Variants in ERBB4 observed in about 807,000 individuals in gnomAD.
The protein encoded by ERBB4 is erb-b2 receptor tyrosine kinase 4.
A neutral mutation model predicts 158.0 loss-of-function variants in ERBB4; 42 were observed. That is an observed-to-expected ratio of 0.27 (90% CI 0.21 to 0.34). The LOEUF is 0.34. Among genes scored for constraint, ERBB4 ranks in the 10% least tolerant of loss-of-function variants. The probability of loss-of-function intolerance (pLI) is 1.00; values close to 1 mark genes in which losing one functional copy is unlikely to be tolerated. For synonymous variants in ERBB4, 583 were observed against 558.7 expected, an observed-to-expected ratio of 1.04 and a Z score of -0.61; for missense variants, 1,333 against 1,624.1, an observed-to-expected ratio of 0.82 and a Z score of 3.08.
intron 12 of ERBB4, among the ~76,000 whole-genome samples, chr2:211,701,756 C>CAA (rs71409856): frequency 0.01 from 676 of 66,590 alleles, 72 homozygotes; most frequent in African/African-American, 0.018. Context: ...GACTCCGTCT[C>CAA]AAAAAAAAAA....
intron 2 of ERBB4, among the ~76,000 whole-genome samples, chr2:212,087,506 G>C (rs142227604): frequency 6.6e-6 from 1 of 152,124 alleles, no homozygotes; most frequent in South Asian, 2.1e-4. Flanking sequence ...CTTAACAAAT[G>C]TTTGGTGAAT....
At chr2:211,555,152 A>G (rs2067202783) in intron 20 of ERBB4, among the ~76,000 whole-genome samples, 1 of 152,222 alleles carries the variant, frequency 6.6e-6, no homozygotes, top group Non-Finnish European at 1.5e-5. Flanking sequence ...ATGACTGCCT[A>G]TAAGAAACAA....
intron 9 of ERBB4, among the ~76,000 whole-genome samples, chr2:211,710,989 G>A (rs2073675764): frequency 6.6e-6 from 1 of 151,462 alleles, no homozygotes; most frequent in African/African-American, 2.4e-5. Context: ...AGGAATATGG[G>A]CCGACAATGA....
chr2:211,486,821 T>G (rs2065215640), intron 20 of ERBB4, among the ~76,000 whole-genome samples: 3 of 152,086 alleles, frequency 2.0e-5, no homozygotes, highest in Non-Finnish European at 4.4e-5. Flanking sequence ...CACTACAAGG[T>G]AATTGCTCAA....
chr2:211,738,494 G>C (rs2074683164), intron 5 of ERBB4, among the ~76,000 whole-genome samples: 1 of 150,334 alleles, frequency 6.7e-6, no homozygotes, highest in East Asian at 2.0e-4. Context: ...TCAGCCTCTT[G>C]AGTAGCTGGG....
At chr2:211,700,124 G>T (rs2073177410) in intron 12 of ERBB4, among the ~76,000 whole-genome samples, 1 of 152,014 alleles carries the variant, frequency 6.6e-6, no homozygotes, top group Non-Finnish European at 1.5e-5. Context: ...TTAAGGATGT[G>T]GAAGGAAACG....
chr2:212,484,950 T>C (rs187363050), intron 1 of ERBB4, among the ~76,000 whole-genome samples: 52 of 152,300 alleles, frequency 3.4e-4, no homozygotes, highest in Non-Finnish European at 2.1e-4. Context: ...AATAACCACA[T>C]AGTGCTCCCT....
chr2:211,780,294 G>A (rs1473001098), intron 4 of ERBB4, among the ~76,000 whole-genome samples: 2 of 152,130 alleles, frequency 1.3e-5, no homozygotes, highest in African/African-American at 4.8e-5. Context: ...AACCCAAGCG[G>A]TCGAGGCTCC....
chr2:212,256,312 TTTA>T (rs1487854290), intron 1 of ERBB4, among the ~76,000 whole-genome samples: 1 of 152,170 alleles, frequency 6.6e-6, no homozygotes, highest in Non-Finnish European at 1.5e-5. Flanking sequence ...AGCACTAGTA[TTTA>T]TTATTTTTGG....
intron 10 of ERBB4, among the ~76,000 whole-genome samples, chr2:211,704,938 TTTTTG>T (rs572080037): frequency 3.3e-5 from 5 of 152,048 alleles, no homozygotes; most frequent in South Asian, 2.1e-4. Flanking sequence ...TATGTAACTT[TTTTTG>T]TTTTGTTTTG....
intron 6 of ERBB4, among the ~76,000 whole-genome samples, 184 bp downstream of exon 6, chr2:211,724,892 A>G (rs1365735288): frequency 6.6e-6 from 1 of 152,230 alleles, no homozygotes; most frequent in Non-Finnish European, 1.5e-5. Flanking sequence ...ATTTAATAGA[A>G]CAATTCTAGT....
At chr2:212,506,545 A>AT (rs1217255599) in intron 1 of ERBB4, among the ~76,000 whole-genome samples, 2 of 151,160 alleles carry the variant, frequency 1.3e-5, no homozygotes, top group Non-Finnish European at 3.0e-5. Context: ...AAAAAAAAAA[A>AT]GTCAAACAGC....
chr2:212,364,166 A>T (rs951794576), intron 1 of ERBB4, among the ~76,000 whole-genome samples: 1 of 151,698 alleles, frequency 6.6e-6, no homozygotes, highest in Non-Finnish European at 1.5e-5. Context: ...ATTCTTTTGA[A>T]TCAACCTAGC....
chr2:212,236,143 C>G (rs1443592306), intron 1 of ERBB4, among the ~76,000 whole-genome samples: 1 of 152,112 alleles, frequency 6.6e-6, no homozygotes, highest in Non-Finnish European at 1.5e-5. Flanking sequence ...CACATTCTAT[C>G]AATACTAGTT....
intron 20 of ERBB4, among the ~76,000 whole-genome samples, chr2:211,532,688 G>A (rs186565974): frequency 2.8e-4 from 42 of 151,744 alleles, no homozygotes; most frequent in Non-Finnish European, 5.0e-4. Flanking sequence ...CAAGACGTCC[G>A]GAAATGACAA....
intron 7 of ERBB4, among the ~76,000 whole-genome samples, chr2:211,717,565 C>G (rs1030233556): frequency 6.6e-6 from 1 of 152,148 alleles, no homozygotes; most frequent in Non-Finnish European, 1.5e-5. Context: ...TGCGGTGGCT[C>G]ACGCCTGTAA....
At chr2:211,427,584 A>C (rs1235701285) in intron 22 of ERBB4, among the ~76,000 whole-genome samples, 1 of 152,192 alleles carries the variant, frequency 6.6e-6, no homozygotes, top group East Asian at 1.9e-4. Context: ...AATTAAAATT[A>C]ATGTTGTAAT....
At chr2:212,231,782 T>C (rs750299007) in intron 1 of ERBB4, among the ~76,000 whole-genome samples, 3 of 152,236 alleles carry the variant, frequency 2.0e-5, no homozygotes, top group African/African-American at 7.2e-5. Flanking sequence ...GTATTTATTT[T>C]GACAAAGTCT....
At chr2:211,673,288 T>A in intron 13 of ERBB4, 31 bp from the exon 14 acceptor site, 1 of 1,500,724 alleles carries the variant, frequency 6.7e-7, no homozygotes, top group Non-Finnish European at 9.3e-7. Flanking sequence ...TGAGGAGGTG[T>A]AAGCAAACAA....
Sources: allele counts gnomAD v4.1 joint callset (sites outside exome capture counted in the v4.1 genomes callset), GRCh38; gene constraint gnomAD v4.1.1; transcripts MANE v1.5; gene names NCBI Gene and HGNC (gene_info 2026-07-23, HGNC 2026-07-21).